The following CC2D2B variants were observed in gnomAD, a reference collection of about 807,000 sequenced individuals.
The protein encoded by CC2D2B is protein CC2D2B.
In CC2D2B, 128 loss-of-function variants were observed where a neutral mutation model predicts 161.2. That is an observed-to-expected ratio of 0.79 (90% confidence interval 0.69 to 0.92). The LOEUF (loss-of-function observed/expected upper bound fraction) is 0.92, where lower values mean the gene tolerates loss of function less well. CC2D2B is among the 40% of genes least tolerant of loss of function. CC2D2B has a pLI of 0.00. For synonymous variants in CC2D2B, 391 were observed against 449.8 expected (o/e 0.87, Z 1.65); for missense variants, 1,173 against 1,375.1 (o/e 0.85, Z 2.32).
At chr10:95,938,965 C>A (rs2075924792) in intron 9 of CC2D2B, 40 bp downstream of exon 9, 1 of 654,476 alleles carries the variant, frequency 1.5e-6, no homozygotes, top group Non-Finnish European at 2.8e-6. Flanking sequence ...GGTTAAAATT[C>A]TTGTAATATC....
At chr10:96,006,024 T>G (rs748903791) in intron 25 of CC2D2B, among the ~76,000 whole-genome samples, 6 of 149,654 alleles carry the variant, frequency 4.0e-5, no homozygotes, top group Non-Finnish European at 9.0e-5. Flanking sequence ...TTTTAAAAAA[T>G]TATTTAATTT....
At chr10:96,023,474 A>G (rs772753748) in intron 32 of CC2D2B, among the ~76,000 whole-genome samples, 6 of 152,238 alleles carry the variant, frequency 3.9e-5, no homozygotes, top group Non-Finnish European at 7.3e-5. Context: ...CAGAAAAGGA[A>G]AGGATAAACA....
intron 6 of CC2D2B, among the ~76,000 whole-genome samples, chr10:95,934,664 T>C (rs954111777): frequency 6.6e-6 from 1 of 152,066 alleles, no homozygotes; most frequent in African/African-American, 2.4e-5. Context: ...CCCTTATGCT[T>C]CCTGGGTGAG....
At position 95,992,699 on chromosome 10, in the gene CC2D2B, T is replaced by A; in HGVS notation, c.2642+2T>A. On this transcript the variant is annotated splice_donor_variant, in intron 22 of 34. Transcript: ENST00000646931. LOFTEE classifies it high-confidence loss of function. ...TACCAGAAAAACAACAATTAATGGG[T>A]AAGGCAATATGCCCCAATTTTTAGA... 3 of 1,233,578 alleles carry A rather than the reference T, an allele frequency of 2.4e-6. No homozygotes were observed. Among genetic ancestry groups the A allele is most frequent in the Non-Finnish European group, 3.0e-6 (3 of 987,490 alleles). 76.4% of individuals were successfully genotyped at this position (1,233,578 alleles called of 1,614,324 possible). A position where few individuals can be genotyped will look rare whatever the true frequency, so the allele number is the denominator to read the frequency against.
chr10:96,030,297 C>A (rs961606912), intron 34 of CC2D2B, among the ~76,000 whole-genome samples: 2 of 151,914 alleles, frequency 1.3e-5, no homozygotes, highest in Non-Finnish European at 2.9e-5. Flanking sequence ...ACATGGTGGG[C>A]ATCTAGTATA....
chr10:95,913,005 A>G (rs537831981), intron 2 of CC2D2B, among the ~76,000 whole-genome samples: 55 of 152,208 alleles, frequency 3.6e-4, no homozygotes, highest in African/African-American at 1.3e-3. Context: ...TCTAAAATGT[A>G]CTATAAATTA....
At chr10:95,985,168 A>C (rs2077670699) in intron 19 of CC2D2B, among the ~76,000 whole-genome samples, 1 of 152,250 alleles carries the variant, frequency 6.6e-6, no homozygotes, top group South Asian at 2.1e-4. Context: ...TGATAGGAAG[A>C]GTCAACATTG....
chr10:95,928,753 C>T (rs2098544275), intron 6 of CC2D2B, among the ~76,000 whole-genome samples: 1 of 151,828 alleles, frequency 6.6e-6, no homozygotes, highest in Non-Finnish European at 1.5e-5. Context: ...TTTTTTGTCT[C>T]CATAGTATTC....
At chr10:96,022,772 C>A (rs1293690088) in intron 32 of CC2D2B, 1 of 152,208 alleles carries the variant, frequency 6.6e-6, no homozygotes, top group African/African-American at 2.4e-5. Context: ...GAGGAAGAAA[C>A]AGAAGGGAAC....
intron 6 of CC2D2B, among the ~76,000 whole-genome samples, chr10:95,935,525 A>G (rs1186282249): frequency 6.9e-6 from 1 of 145,562 alleles, no homozygotes; most frequent in East Asian, 2.0e-4. Flanking sequence ...ATGGTTTCCT[A>G]CCTCATTCAC....
At chr10:95,993,948 A>G (rs12415579) in intron 22 of CC2D2B, among the ~76,000 whole-genome samples, 980 of 21,768 alleles carry the variant, frequency 0.045, 29 homozygotes, top group South Asian at 0.13. Context: ...GTGTGTATGT[A>G]TGTGTATATA....
rs1033892961 is a variant in CC2D2B, at chr10:96,003,005, T to C, written c.2850-1147T>C. ...ATCAGCCTGGGAAAGATAGACCCTG[T>C]CTCAAAAAATAAATAAATATATATA... is the stretch of plus-strand genomic sequence containing the variant. On this transcript the variant is annotated intron_variant, in intron 24 of 34. Coordinates refer to ENST00000646931, the MANE Select transcript of CC2D2B (RefSeq NM_001349008.3). 2.9e-5 allele frequency among the ~76,000 whole-genome samples: 4 copies of C among 137,020 alleles called. No individual in the cohort carries two copies. In the South Asian group the frequency reaches 9.4e-4, roughly 32 times the overall value. 89.9% of individuals were successfully genotyped at this position (137,020 alleles called of 152,430 possible).
chr10:95,947,689 C>A (rs935327752), intron 9 of CC2D2B, among the ~76,000 whole-genome samples: 3 of 151,924 alleles, frequency 2.0e-5, no homozygotes, highest in African/African-American at 7.3e-5. Flanking sequence ...TTGCAGTGAG[C>A]TGAGATCACG....
chr10:95,916,068 G>T (rs2098515799), intron 2 of CC2D2B, among the ~76,000 whole-genome samples: 1 of 151,936 alleles, frequency 6.6e-6, no homozygotes, highest in Admixed American at 6.6e-5. Context: ...TTATGGCTTT[G>T]ATCTTGTTAC....
chr10:95,988,537 C>A (rs1215118798), intron 20 of CC2D2B, among the ~76,000 whole-genome samples, 195 bp downstream of exon 20: 3 of 152,120 alleles, frequency 2.0e-5, no homozygotes, highest in African/African-American at 4.8e-5. Context: ...TGACAGTGAA[C>A]TCATTATTAA....
At chr10:95,975,459 T>C (rs1016440527) in intron 17 of CC2D2B, among the ~76,000 whole-genome samples, 4 of 152,098 alleles carry the variant, frequency 2.6e-5, no homozygotes, top group African/African-American at 9.7e-5. Flanking sequence ...AAAAAAATGC[T>C]AAAAAATAAC....
At chr10:95,949,825 A>C in intron 9 of CC2D2B, 71 bp from the exon 10 acceptor site, 1 of 397,364 alleles carries the variant, frequency 2.5e-6, no homozygotes, top group Non-Finnish European at 4.4e-6. Flanking sequence ...TACTTTTGTA[A>C]GGAAAAGTTA....
chr10:95,949,994 C>T lies in CC2D2B; in HGVS notation c.900C>T (p.Ser300=). 2.5e-6 allele frequency: 1 copy of T among 398,762 alleles called. No homozygotes were observed. Among genetic ancestry groups the T allele is most frequent in the Non-Finnish European group, 4.4e-6 (1 of 225,942 alleles). 24.7% of individuals were successfully genotyped at this position (398,762 alleles called of 1,614,324 possible). ...LDLNIVGLQF[S]HHHLFNQEQV... is the part of the protein sequence containing the mutation. Reference sequence around the variant, plus strand: ...TCAACATTGTGGGTTTGCAATTCAGCCATCATCATCTCTTCAATCAAGAGC... The same window carrying T: ...TCAACATTGTGGGTTTGCAATTCAGTCATCATCATCTCTTCAATCAAGAGC... The change falls in exon 10 of 35, where the codon AGC becomes AGT. Residue 300 remains serine, a synonymous_variant. Coordinates refer to ENST00000646931, the MANE Select transcript of CC2D2B (RefSeq NM_001349008.3).
At position 96,024,487 on chromosome 10, in the gene CC2D2B, A is replaced by G. The variant is rs12263588; in HGVS notation, c.3889-366A>G. ...GCACTATTATTATCCCTATGTTAAA[A>G]ACTCAGAACAGAGAGGTGAAGACTT... On this transcript the variant is annotated intron_variant, in intron 32 of 34. Coordinates refer to ENST00000646931, the MANE Select transcript of CC2D2B (RefSeq NM_001349008.3). Among the ~76,000 whole-genome samples, 339 of 152,302 alleles carry G rather than the reference A, an allele frequency of 2.2e-3. 2 individuals carry two copies. The highest frequency in any genetic ancestry group is 8.0e-3 in the African/African-American group (331 of 41,560).
Sources: gnomAD v4.1 joint callset for allele counts (sites outside exome capture counted in the v4.1 genomes callset) on GRCh38, gnomAD v4.1.1 for gene constraint, MANE v1.5 for transcripts, NCBI Gene and HGNC (gene_info 2026-07-23, HGNC 2026-07-21) for gene names.